Variants in SERGEF observed in about 807,000 individuals in gnomAD.
SERGEF encodes the protein secretion-regulating guanine nucleotide exchange factor.
A neutral mutation model predicts 50.0 loss-of-function variants in SERGEF; 51 were observed. The observed-to-expected ratio is 1.02, with a 90% confidence interval of 0.81 to 1.29. The LOEUF (loss-of-function observed/expected upper bound fraction) is 1.29. SERGEF is among the 50% of genes most tolerant of loss of function. The pLI is 0.00. For missense variants in SERGEF, 521 were observed against 557.0 expected, an observed-to-expected ratio of 0.94 and a Z score of 0.65; for synonymous variants, 205 against 212.4, an observed-to-expected ratio of 0.97 and a Z score of 0.30.
At chr11:17,883,481 T>C (rs528646704) in intron 9 of SERGEF, among the ~76,000 whole-genome samples, 27 of 152,338 alleles carry the variant, frequency 1.8e-4, no homozygotes, top group African/African-American at 6.3e-4. Flanking sequence ...TATTATCTCA[T>C]ATAGACTTAC....
chr11:17,809,210 G>A (rs940198382), intron 10 of SERGEF, among the ~76,000 whole-genome samples: 1 of 152,214 alleles, frequency 6.6e-6, no homozygotes, highest in African/African-American at 2.4e-5. Context: ...CAAAGACCTA[G>A]CTGGGGGAAG....
At chr11:17,951,992 A>C (rs181649370) in intron 9 of SERGEF, among the ~76,000 whole-genome samples, 307 of 152,300 alleles carry the variant, frequency 2.0e-3, no homozygotes, top group African/African-American at 7.1e-3. Context: ...TCACTCCAGC[A>C]GATAATTTTC....
At chr11:18,007,045 A>G (rs1030479369) in intron 2 of SERGEF, among the ~76,000 whole-genome samples, 1 of 152,220 alleles carries the variant, frequency 6.6e-6, no homozygotes, top group Admixed American at 6.5e-5. Flanking sequence ...CGTGCCAGGT[A>G]CTGTTTTAAG....
intron 9 of SERGEF, among the ~76,000 whole-genome samples, chr11:17,908,788 T>C (rs921861107): frequency 2.0e-5 from 3 of 151,850 alleles, no homozygotes; most frequent in African/African-American, 7.3e-5. Context: ...ATGGGACAGA[T>C]TAGGGAGAAA....
chr11:17,852,448 C>T (rs368271937), intron 10 of SERGEF, among the ~76,000 whole-genome samples: 259 of 152,272 alleles, frequency 1.7e-3, no homozygotes, highest in African/African-American at 5.8e-3. Context: ...GACAAGGAGA[C>T]TTCTCTTGGT....
chr11:17,788,665 C>T (rs1038991757), intron 10 of SERGEF, among the ~76,000 whole-genome samples: 52 of 152,182 alleles, frequency 3.4e-4, no homozygotes, highest in African/African-American at 1.2e-3. Flanking sequence ...CGTGGCTTTC[C>T]TCCTCGGCCC....
intron 10 of SERGEF, among the ~76,000 whole-genome samples, chr11:17,817,498 G>A (rs535885105): frequency 2.8e-4 from 42 of 152,220 alleles, no homozygotes; most frequent in African/African-American, 9.6e-4. Context: ...TTACAGGCAT[G>A]AGCCACCACG....
chr11:17,873,552 T>C (rs1165257314), intron 10 of SERGEF, among the ~76,000 whole-genome samples: 2 of 152,144 alleles, frequency 1.3e-5, no homozygotes, highest in Non-Finnish European at 2.9e-5. Flanking sequence ...TGTTCTGCCA[T>C]ACATATTATA....
intron 9 of SERGEF, among the ~76,000 whole-genome samples, chr11:17,906,356 C>T (rs1013649417): frequency 3.3e-5 from 5 of 152,230 alleles, no homozygotes; most frequent in Non-Finnish European, 5.9e-5. Flanking sequence ...AACGAAGTTT[C>T]GGTCTAAACC....
At chr11:17,836,628 C>T (rs1441146260) in intron 10 of SERGEF, among the ~76,000 whole-genome samples, 1 of 152,210 alleles carries the variant, frequency 6.6e-6, no homozygotes, top group Admixed American at 6.5e-5. Context: ...GTGCATATCT[C>T]CTAAACACAC....
At chr11:17,931,065 C>G (rs1176118919) in intron 9 of SERGEF, among the ~76,000 whole-genome samples, 1 of 152,146 alleles carries the variant, frequency 6.6e-6, no homozygotes, top group Non-Finnish European at 1.5e-5. Context: ...TTGCAATTTA[C>G]TAGATAATAT....
At chr11:17,970,475 C>A (rs1853223762) in intron 8 of SERGEF, among the ~76,000 whole-genome samples, 1 of 152,138 alleles carries the variant, frequency 6.6e-6, no homozygotes. Context: ...CAATTAATAA[C>A]CCTACCATGG....
chr11:17,983,537 T>C (rs1853532742), intron 8 of SERGEF, among the ~76,000 whole-genome samples: 2 of 152,196 alleles, frequency 1.3e-5, no homozygotes, highest in South Asian at 2.1e-4. Context: ...AATCCTCATA[T>C]CAGGTCAGCA....
intron 10 of SERGEF, among the ~76,000 whole-genome samples, chr11:17,840,860 G>C (rs1420565088): frequency 6.6e-6 from 1 of 152,182 alleles, no homozygotes; most frequent in African/African-American, 2.4e-5. Context: ...TTTCTGACTT[G>C]ACATTGTGTC....
rs1367530908 is a variant in SERGEF at position 17,789,106 on chromosome 11, C to T, written c.1049-693G>A. The stretch of plus-strand genomic sequence containing the variant: ...TGTTCCTTAAGTATGTCCAGTAGGG[C>T]CTTCCTATCTCTCAAAGCCCTCAGT... On this transcript the variant is annotated intron_variant, in intron 10 of 10. Transcript: ENST00000265965. Among the ~76,000 whole-genome samples, 3 of 152,214 alleles carry T rather than the reference C, an allele frequency of 2.0e-5. 1 individual carries two copies. The East Asian group carries it at 5.8e-4, about 29-fold the overall frequency.
At chr11:17,959,151 GA>G (rs1852939010) in intron 9 of SERGEF, among the ~76,000 whole-genome samples, 1 of 152,182 alleles carries the variant, frequency 6.6e-6, no homozygotes, top group African/African-American at 2.4e-5. Context: ...TTACAGGCGT[GA>G]GCCACCGTGC....
At chr11:17,840,630 C>T (rs1305484439) in intron 10 of SERGEF, among the ~76,000 whole-genome samples, 2 of 152,198 alleles carry the variant, frequency 1.3e-5, no homozygotes, top group Non-Finnish European at 2.9e-5. Context: ...GATGTAGTTA[C>T]TGTCTAGGGA....
At chr11:17,885,257 G>T (rs756566820) in intron 9 of SERGEF, among the ~76,000 whole-genome samples, 12 of 151,938 alleles carry the variant, frequency 7.9e-5, no homozygotes, top group African/African-American at 2.9e-4. Flanking sequence ...AGTCCTTTTC[G>T]CCTCAGCCTG....
intron 10 of SERGEF, among the ~76,000 whole-genome samples, chr11:17,851,899 G>A (rs1850722158): frequency 6.6e-6 from 1 of 152,216 alleles, no homozygotes; most frequent in Non-Finnish European, 1.5e-5. Context: ...GGGACACAAG[G>A]AAGAACCCAC....
Sources: allele counts gnomAD v4.1 joint callset (sites outside exome capture counted in the v4.1 genomes callset), GRCh38; gene constraint gnomAD v4.1.1; transcripts MANE v1.5; gene names NCBI Gene and HGNC (gene_info 2026-07-23, HGNC 2026-07-21).